FTCDNL1: variants seen among roughly 807,000 people sequenced by gnomAD.
FTCDNL1 encodes the protein formiminotransferase cyclodeaminase N-terminal like.
A neutral mutation model predicts 5.9 loss-of-function variants in FTCDNL1; 11 were observed. That is an observed-to-expected ratio of 1.87 (90% CI 1.18 to 3.10). The LOEUF is 3.10. Among genes scored for constraint, FTCDNL1 ranks in the 30% most tolerant of loss-of-function variants. The pLI is 0.00. For synonymous variants in FTCDNL1, 58 were observed against 24.8 expected (o/e 2.34, Z -3.99); for missense variants, 115 against 65.5 (o/e 1.76, Z -2.61).
intron 3 of FTCDNL1, among the ~76,000 whole-genome samples, chr2:199,765,550 A>ATTT (rs1195071962): frequency 6.2e-4 from 33 of 52,940 alleles, no homozygotes; most frequent in African/African-American, 1.4e-3. Context: ...ATATATATAT[A>ATTT]TATATATTTT....
downstream of FTCDNL1, among the ~76,000 whole-genome samples, chr2:199,808,200 C>A (rs1184245132): frequency 6.6e-6 from 1 of 152,146 alleles, no homozygotes; most frequent in African/African-American, 2.4e-5. Context: ...TCTTGTACAG[C>A]CTGCAGAACC....
rs898957533 is a variant in FTCDNL1, at chr2:199,811,142, T to G, written c.*1563A>C. On this transcript the variant is annotated 3_prime_UTR_variant, in exon 5 of 5. Transcript: ENST00000420128. Reference sequence around the variant, plus strand: ...GTATTTCCCCATAATGCTGATTTCATAAAAATTAAATTTCCTAACAGTCAA... The same window carrying G: ...GTATTTCCCCATAATGCTGATTTCAGAAAAATTAAATTTCCTAACAGTCAA... Among the ~76,000 whole-genome samples the G allele has an allele frequency of 6.6e-6, 1 of 152,230 alleles. No homozygotes were observed. Among genetic ancestry groups the G allele is most frequent in the African/African-American group, 2.4e-5 (1 of 41,462 alleles).
the FTCDNL1 span, among the ~76,000 whole-genome samples, chr2:199,743,607 T>C: frequency 6.6e-6 from 1 of 151,900 alleles, no homozygotes; most frequent in Admixed American, 6.6e-5. Flanking sequence ...GCTCTGGGCG[T>C]TTCTCCTGAG....
chr2:199,827,045 G>A (rs1268441714), intron 3 of FTCDNL1, among the ~76,000 whole-genome samples: 1 of 152,166 alleles, frequency 6.6e-6, no homozygotes, highest in Non-Finnish European at 1.5e-5. Flanking sequence ...AACATCAAAG[G>A]CAGCTGATGT....
the FTCDNL1 span, among the ~76,000 whole-genome samples, chr2:199,679,786 T>C: frequency 2.6e-5 from 4 of 152,136 alleles, no homozygotes; most frequent in African/African-American, 9.6e-5. Flanking sequence ...TATCCTTTCC[T>C]GCATTTGATA....
chr2:199,836,760 T>C (rs536466709), intron 3 of FTCDNL1, among the ~76,000 whole-genome samples: 1 of 151,832 alleles, frequency 6.6e-6, no homozygotes, highest in East Asian at 1.9e-4. Flanking sequence ...GCAAACCCTG[T>C]TTCAAAAAAA....
At chr2:199,765,556 A>ATTTTTTTT (rs374926252) in intron 3 of FTCDNL1, among the ~76,000 whole-genome samples, 13 of 42,666 alleles carry the variant, frequency 3.0e-4, no homozygotes, top group African/African-American at 7.7e-4. Context: ...ATATATATAT[A>ATTTTTTTT]TTTTTTTTTT....
At chr2:199,849,455 C>T (rs2076817989) in intron 1 of FTCDNL1, among the ~76,000 whole-genome samples, 1 of 152,086 alleles carries the variant, frequency 6.6e-6, no homozygotes, top group South Asian at 2.1e-4. Context: ...GTCTACAGGC[C>T]ATGCCATGGA....
the FTCDNL1 span, among the ~76,000 whole-genome samples, chr2:199,752,740 C>CTG: frequency 0.079 from 2,418 of 30,650 alleles, 39 homozygotes; most frequent in Non-Finnish European, 0.091. Flanking sequence ...CTCTCTCTCT[C>CTG]TGTGTGTGTG....
At chr2:199,765,532 T>TTTTATATATATATATATATATATATA in intron 3 of FTCDNL1, among the ~76,000 whole-genome samples, 1 of 79,608 alleles carries the variant, frequency 1.3e-5, no homozygotes, top group African/African-American at 3.8e-5. Flanking sequence ...TTTGTCTTCA[T>TTTTATATATATATATATATATATATA]TATATATATA....
At chr2:199,831,629 T>C (rs2689765) in intron 3 of FTCDNL1, among the ~76,000 whole-genome samples, 125,112 of 152,114 alleles carry the variant, frequency 0.82, 51,532 homozygotes, top group Admixed American at 0.89. Context: ...TATACATGTA[T>C]GTAAGTAAAG....
chr2:199,679,052 G>C, the FTCDNL1 span, among the ~76,000 whole-genome samples: 1 of 152,086 alleles, frequency 6.6e-6, no homozygotes, highest in South Asian at 2.1e-4. Context: ...GCACTTGTTT[G>C]AATGAGGACC....
At chr2:199,836,006 C>G (rs942726301) in intron 3 of FTCDNL1, among the ~76,000 whole-genome samples, 1 of 152,086 alleles carries the variant, frequency 6.6e-6, no homozygotes, top group Non-Finnish European at 1.5e-5. Context: ...GGGGAGGGGG[C>G]TCCTAATTTT....
intron 3 of FTCDNL1, among the ~76,000 whole-genome samples, chr2:199,765,556 A>ATATATTTT: frequency 3.1e-4 from 13 of 42,600 alleles, no homozygotes; most frequent in Admixed American, 4.3e-4. Context: ...ATATATATAT[A>ATATATTTT]TTTTTTTTTT....
At chr2:199,790,227 G>A (rs1003034089) in intron 3 of FTCDNL1, among the ~76,000 whole-genome samples, 1 of 152,152 alleles carries the variant, frequency 6.6e-6, no homozygotes, top group Non-Finnish European at 1.5e-5. Flanking sequence ...GCTGGGCGCG[G>A]TGACTCATGC....
chr2:199,739,308 C>G, the FTCDNL1 span, among the ~76,000 whole-genome samples: 1 of 152,162 alleles, frequency 6.6e-6, no homozygotes, highest in Non-Finnish European at 1.5e-5. Flanking sequence ...TCGGGGTGCT[C>G]TTATCAACAG....
chr2:199,710,332 G>T, the FTCDNL1 span, among the ~76,000 whole-genome samples: 1 of 152,098 alleles, frequency 6.6e-6, no homozygotes, highest in Non-Finnish European at 1.5e-5. Flanking sequence ...TTTTTTTCAG[G>T]TGTGAGTTAT....
At chr2:199,740,912 TG>T in the FTCDNL1 span, among the ~76,000 whole-genome samples, 1 of 152,134 alleles carries the variant, frequency 6.6e-6, no homozygotes, top group African/African-American at 2.4e-5. Flanking sequence ...TTTCATGAAA[TG>T]GTTCGGCAAA....
chr2:199,733,957 A>G, the FTCDNL1 span, among the ~76,000 whole-genome samples: 2 of 152,048 alleles, frequency 1.3e-5, no homozygotes, highest in Non-Finnish European at 2.9e-5. Context: ...AAAAAAAAAA[A>G]CTGTCTTCCA....
Sources: allele counts gnomAD v4.1 joint callset (sites outside exome capture counted in the v4.1 genomes callset), GRCh38; gene constraint gnomAD v4.1.1; transcripts MANE v1.5; gene names NCBI Gene and HGNC (gene_info 2026-07-23, HGNC 2026-07-21).